HDLBP: variants seen among roughly 807,000 people sequenced by gnomAD.
HDLBP encodes vigilin.
A neutral mutation model predicts 137.3 loss-of-function variants in HDLBP; 30 were observed. The observed-to-expected ratio is 0.22, with a 90% CI of 0.16 to 0.30. HDLBP has a LOEUF of 0.30. HDLBP is among the 10% of genes least tolerant of loss of function. HDLBP has a pLI of 1.00. For synonymous variants in HDLBP, 606 were observed against 596.0 expected, an observed-to-expected ratio of 1.02 and a Z score of -0.24; for missense variants, 1,119 against 1,667.3, an observed-to-expected ratio of 0.67 and a Z score of 5.73.
chr2:241,314,669 A>G (rs984889374), intron 1 of HDLBP, among the ~76,000 whole-genome samples: 2 of 152,204 alleles, frequency 1.3e-5, no homozygotes, highest in African/African-American at 4.8e-5. Context: ...ACACCATGTC[A>G]AGTCTGACCC....
rs1574910312 is a variant in HDLBP, at chr2:241,248,485, A to G, written c.1513-137T>C. The G allele has an allele frequency of 4.3e-6, 3 of 699,470 alleles. No homozygotes were observed. In the East Asian group the frequency reaches 7.9e-5, roughly 18 times the overall value. 43.3% of individuals were successfully genotyped at this position (699,470 alleles called of 1,614,324 possible). A position where few individuals can be genotyped will look rare whatever the true frequency, so the allele number is the denominator to read the frequency against. On this transcript the variant is annotated intron_variant, in intron 12 of 27. Coordinates refer to ENST00000310931, the MANE Select transcript of HDLBP (RefSeq NM_005336.6). ...AGGTGGTCTCCAGGTGGCACCTCGTAGCACCCCGGGAGCAACCAGCTGTTA... is the reference window on the plus strand; with the variant it reads ...AGGTGGTCTCCAGGTGGCACCTCGTGGCACCCCGGGAGCAACCAGCTGTTA...
Position 241,255,551 on chromosome 2 carries a change from T to C in HDLBP, c.903A>G (p.Glu301=), listed in dbSNP as rs2072545977. ...CATACTTGTGTTGGGATTTCTTCAC[T>C]TCCACTGCAATGGTTGTAGTCTTCT... is the stretch of plus-strand genomic sequence containing the variant. ...KKKKTTTIAV[E]VKKSQHKYVI... Residue 301 remains glutamate, a synonymous_variant, in exon 8 of 28, where the codon GAA becomes GAG. Transcript: ENST00000310931. 3.1e-6 allele frequency: 5 copies of C among 1,614,004 alleles called. No individual in the cohort carries two copies. The highest frequency in any genetic ancestry group is 4.2e-6 in the Non-Finnish European group (5 of 1,179,840).
At chr2:241,266,404 G>A (rs1327221549) in intron 3 of HDLBP, 3 of 229,568 alleles carry the variant, frequency 1.3e-5, no homozygotes, top group South Asian at 6.8e-5. Flanking sequence ...AGTGGCGTTC[G>A]AGAACTCCGA....
At chr2:241,244,383 A>G (rs939733924) in intron 16 of HDLBP, among the ~76,000 whole-genome samples, 3 of 152,216 alleles carry the variant, frequency 2.0e-5, no homozygotes, top group East Asian at 1.9e-4. Flanking sequence ...AGACATGAAG[A>G]AAACTACACA....
At chr2:241,243,772 T>TA (rs2071465382) in intron 16 of HDLBP, 1 of 152,222 alleles carries the variant, frequency 6.6e-6, no homozygotes, top group African/African-American at 2.4e-5. Flanking sequence ...TCCTCCCTAA[T>TA]AAACGTTAAA....
At chr2:241,247,559 T>C (rs907062768) in intron 14 of HDLBP, 2 of 279,140 alleles carry the variant, frequency 7.2e-6, no homozygotes, top group Non-Finnish European at 1.4e-5. Flanking sequence ...CCCACGGAAA[T>C]ACATGGCTGC....
At chr2:241,253,981 T>C (rs1574929369) in intron 9 of HDLBP, among the ~76,000 whole-genome samples, 1 of 152,190 alleles carries the variant, frequency 6.6e-6, no homozygotes, top group African/African-American at 2.4e-5. Context: ...GGTCCTTATA[T>C]GAAGCTATAC....
intron 1 of HDLBP, among the ~76,000 whole-genome samples, chr2:241,285,303 G>A (rs1354989544): frequency 2.0e-5 from 3 of 152,086 alleles, no homozygotes; most frequent in Admixed American, 6.5e-5. Context: ...CTTTCTTGTG[G>A]TGGTATCACA....
At position 241,288,818 on chromosome 2, in the gene HDLBP, C is replaced by T. The variant is rs1365153695; in HGVS notation, c.-102-20277G>A. Among the ~76,000 whole-genome samples the T allele has an allele frequency of 2.0e-5, 3 of 152,320 alleles. No individual in the cohort carries two copies. The South Asian group carries it at 6.2e-4, about 32-fold the overall frequency. Reference sequence around the variant, plus strand: ...GGTGTTCCTGGGAAGGGGATGGGAACAGAATGGCTGTAGGAAGGGCCATTC... The same window carrying T: ...GGTGTTCCTGGGAAGGGGATGGGAATAGAATGGCTGTAGGAAGGGCCATTC... On this transcript the variant is annotated intron_variant, in intron 1 of 27. Coordinates refer to ENST00000310931, the MANE Select transcript of HDLBP (RefSeq NM_005336.6).
chr2:241,252,426 C>T (rs1249373322), intron 11 of HDLBP, among the ~76,000 whole-genome samples: 3 of 151,960 alleles, frequency 2.0e-5, no homozygotes, highest in Non-Finnish European at 4.4e-5. Context: ...TGCTTGAGCC[C>T]GGTAGGCAGA....
rs1446476624 is a variant in HDLBP, at chr2:241,272,009, G to C, written c.-102-3468C>G. On this transcript the variant is annotated intron_variant, in intron 1 of 27. Coordinates refer to ENST00000310931, the MANE Select transcript of HDLBP (RefSeq NM_005336.6). The surrounding 1 kb of genome is among the most constrained non-coding windows in gnomAD (Gnocchi z 5.6). ...TCCCACAGGCCACGAGGGCCCGCGG[G>C]CGGGGACAGGCTTAAAGGGACAGCA... 1 of 185,884 alleles carries C rather than the reference G, an allele frequency of 5.4e-6. No homozygotes were observed. The highest frequency in any genetic ancestry group is 1.9e-4 in the East Asian group (1 of 5,334). 11.5% of individuals were successfully genotyped at this position (185,884 alleles called of 1,614,324 possible).
Position 241,266,812 on chromosome 2 carries a change from C to G in HDLBP, c.58G>C (p.Val20Leu), listed in dbSNP as rs753730202. 1.2e-6 allele frequency: 2 copies of G among 1,611,822 alleles called. No individual in the cohort carries two copies. The highest frequency in any genetic ancestry group is 1.7e-6 in the Non-Finnish European group (2 of 1,177,854). The change falls in exon 3 of 28, where the codon GTT becomes CTT. Residue 20 changes from valine (V) to leucine (L), a missense_variant. Val to Leu is a conservative substitution (Grantham distance 32). This residue lies in a region of HDLBP where 59 missense variants were observed against 92.4 expected (regional missense o/e 0.64). Coordinates refer to ENST00000310931, the MANE Select transcript of HDLBP (RefSeq NM_005336.6). The stretch of plus-strand genomic sequence containing the variant: ...CTGTCACCTTTGATTTGTTGCGGAA[C>G]CAGCCCACTTCGGTGTTCAGCAAAA... ...ESFAEHRSGL[V>L]PQQIKVATLN...
In HDLBP at chr2:241,256,209, C is replaced by G; in HGVS notation, c.848G>C (p.Arg283Pro). The G allele has an allele frequency of 6.2e-7, 1 of 1,614,086 alleles. No homozygotes were observed. The highest frequency in any genetic ancestry group is 8.5e-7 in the Non-Finnish European group (1 of 1,179,976). ...CTTCTCCTCATAAATCTTCTTGATG[C>G]GAGCCACAGCCTGAGCCAACTGTTC... is the stretch of plus-strand genomic sequence containing the variant. ...EKEQLAQAVARIKKIYEEKKK... is the reference protein window; with the variant it reads ...EKEQLAQAVAPIKKIYEEKKK... The change falls in exon 7 of 28, where the codon CGC (arginine) becomes CCC (proline). Residue 283 changes from arginine to proline, a missense_variant. Physicochemically the swap from Arg to Pro is moderately radical, Grantham distance 103. Transcript: ENST00000310931.
At position 241,235,114 on chromosome 2, in the gene HDLBP, T is replaced by C. The variant is rs1463524138; in HGVS notation, c.3144+7A>G. 1 of 1,611,974 alleles carries C rather than the reference T, an allele frequency of 6.2e-7. No individual in the cohort carries two copies. The highest frequency in any genetic ancestry group is 1.1e-5 in the South Asian group (1 of 91,022). ...TCTGGGCAGTGCCCCGGCCACCTCC[T>C]GCTCACCCGGTCCTCCTGCTCGGCC... On this transcript the variant is annotated splice_region_variant and intron_variant, in intron 23 of 27. Transcript: ENST00000310931.
rs1326173738 is a variant in HDLBP at position 241,228,254 on chromosome 2, A to ATGT, written c.*1344_*1346dup. On this transcript the variant is annotated 3_prime_UTR_variant, in exon 28 of 28. Transcript: ENST00000310931. Reference sequence around the variant, plus strand: ...ACCTCCGTGGCGGACACAGATAAGGATGTTAAGACCAGAAAACCAGAGACT... The same window carrying ATGT: ...ACCTCCGTGGCGGACACAGATAAGGATGTTGTTAAGACCAGAAAACCAGAGACT... 6.6e-6 allele frequency: 1 copy of ATGT among 152,308 alleles called. No individual in the cohort carries two copies. Among genetic ancestry groups the ATGT allele is most frequent in the African/African-American group, 2.4e-5 (1 of 41,444 alleles). The allele number at this position is 152,308 out of a possible 1,614,324, so 9.4% of individuals were successfully genotyped here.
intron 3 of HDLBP, 69 bp downstream of exon 3, chr2:241,266,725 T>C: frequency 1.3e-5 from 14 of 1,038,762 alleles, no homozygotes; most frequent in Non-Finnish European, 2.1e-5. Flanking sequence ...GGGCATGGGA[T>C]TTGGTAAAGG....
At position 241,235,510 on chromosome 2, in the gene HDLBP, T is replaced by G; in HGVS notation, c.2989A>C (p.Lys997Gln). The G allele has an allele frequency of 1.9e-6, 3 of 1,613,972 alleles. No individual in the cohort carries two copies. Among genetic ancestry groups the G allele is most frequent in the Non-Finnish European group, 2.5e-6 (3 of 1,179,846 alleles). ...VIGQKGSGIR[K>Q]MMDEFEVNIH... is the part of the protein sequence containing the mutation. The stretch of plus-strand genomic sequence containing the variant: ...TCTACCTCAAACTCATCCATCATCT[T>G]GCGGATCCCACTTCCTTTCTGCCCA... The change falls in exon 22 of 28, where the codon AAG (lysine) becomes CAG (glutamine). Residue 997 changes from lysine (K) to glutamine (Q), a missense_variant. By Grantham distance (53) the Lys-to-Gln change is moderately conservative. Transcript: ENST00000310931.
intron 14 of HDLBP, 88 bp from the exon 15 acceptor site, chr2:241,247,230 A>G (rs1017425128): frequency 1.3e-6 from 1 of 792,514 alleles, no homozygotes; most frequent in Non-Finnish European, 2.2e-6. Context: ...TAGCATGAAC[A>G]CGACAGAGCA....
chr2:241,255,580 T>C lies in HDLBP; in HGVS notation c.874A>G (p.Lys292Glu). 6.2e-7 allele frequency: 1 copy of C among 1,611,456 alleles called. No individual in the cohort carries two copies. The highest frequency in any genetic ancestry group is 8.5e-7 in the Non-Finnish European group (1 of 1,177,522). ...ARIKKIYEEKKKKTTTIAVEV... is the reference protein window; with the variant it reads ...ARIKKIYEEKEKKTTTIAVEV... ...ACTGCAATGGTTGTAGTCTTCTTTTTCTAAATAAGAGCACCATAAGGGGCA... is the reference window on the plus strand; with the variant it reads ...ACTGCAATGGTTGTAGTCTTCTTTTCCTAAATAAGAGCACCATAAGGGGCA... Residue 292 changes from lysine to glutamate, a missense_variant and splice_region_variant, in exon 8 of 28, where the codon AAA (lysine) becomes GAA (glutamate). By Grantham distance (56) the Lys-to-Glu change is moderately conservative. Transcript: ENST00000310931.
Sources: allele counts gnomAD v4.1 joint callset (sites outside exome capture counted in the v4.1 genomes callset), GRCh38; gene constraint gnomAD v4.1.1; regional missense constraint gnomAD v4.1.1; non-coding constraint Gnocchi (gnomAD v3.1); transcripts MANE v1.5; gene names NCBI Gene and HGNC (gene_info 2026-07-23, HGNC 2026-07-21).